The following PRR16 variants were observed in gnomAD, a reference collection of about 807,000 sequenced individuals.
The protein encoded by PRR16 is proline rich 16.
PRR16 carries 6 observed loss-of-function variants against 18.2 expected under a neutral mutation model. The ratio of observed to expected loss-of-function variants is 0.33; its 90% CI spans 0.18 to 0.65. The LOEUF is 0.65. Among genes scored for constraint, PRR16 ranks in the 30% least tolerant of loss-of-function variants. The pLI is 0.74. For synonymous variants in PRR16, 151 were observed against 147.8 expected (o/e 1.02, Z -0.16); for missense variants, 412 against 376.6 (o/e 1.09, Z -0.78).
chr5:120,633,386 A>G (rs1755123048), intron 1 of PRR16, among the ~76,000 whole-genome samples: 1 of 152,212 alleles, frequency 6.6e-6, no homozygotes, highest in African/African-American at 2.4e-5. Context: ...CTAAAGTTGA[A>G]TGTAAATGGC....
At chr5:120,618,578 G>T in intron 1 of PRR16, 1 of 925,124 alleles carries the variant, frequency 1.1e-6, no homozygotes, top group South Asian at 5.0e-5. Context: ...AAGTAAAAAA[G>T]AAGTTATAGC....
At chr5:120,598,464 C>T (rs888080539) in intron 1 of PRR16, among the ~76,000 whole-genome samples, 3 of 151,480 alleles carry the variant, frequency 2.0e-5, no homozygotes, top group Non-Finnish European at 4.4e-5. Flanking sequence ...GGGTAATATG[C>T]ACATTTGCTG....
the PRR16 span, among the ~76,000 whole-genome samples, chr5:120,703,457 T>A: frequency 1.4e-3 from 206 of 152,346 alleles, no homozygotes; most frequent in East Asian, 6.2e-3. Flanking sequence ...AGCCTCATGT[T>A]GTTTCATTTC....
intron 1 of PRR16, among the ~76,000 whole-genome samples, chr5:120,485,808 C>A (rs1190158489): frequency 2.6e-5 from 4 of 152,118 alleles, no homozygotes; most frequent in East Asian, 3.9e-4. Context: ...CCTCCCCCGA[C>A]CCCACAACAG....
chr5:120,607,105 A>T lies in PRR16; in HGVS notation c.160-78849A>T, dbSNP rs1754179478. Among the ~76,000 whole-genome samples the T allele has an allele frequency of 2.0e-5, 3 of 152,156 alleles. No homozygotes were observed. The South Asian group carries it at 6.2e-4, about 31-fold the overall frequency. On this transcript the variant is annotated intron_variant, in intron 1 of 1. Coordinates refer to ENST00000407149, the MANE Select transcript of PRR16 (RefSeq NM_001300783.2). ...AAGTATCAGTGAATTTTTTTTTGTA[A>T]TCGCCTCATTGAAACCTATAAATAG...
chr5:120,537,782 T>A (rs1438022354), intron 1 of PRR16, among the ~76,000 whole-genome samples: 3 of 144,344 alleles, frequency 2.1e-5, no homozygotes, highest in East Asian at 4.0e-4. Flanking sequence ...TTTTTTTTTT[T>A]TTTTTTTTTT....
intron 1 of PRR16, among the ~76,000 whole-genome samples, chr5:120,519,049 C>T (rs948140471): frequency 6.6e-6 from 1 of 151,972 alleles, no homozygotes; most frequent in African/African-American, 2.4e-5. Flanking sequence ...TACGATTGAA[C>T]CTTCCCCCAT....
chr5:120,699,246 A>G, the PRR16 span, among the ~76,000 whole-genome samples: 2 of 152,156 alleles, frequency 1.3e-5, no homozygotes, highest in Non-Finnish European at 2.9e-5. Context: ...TGGAAAGGAA[A>G]TGAGAGGTTC....
chr5:120,670,728 C>G (rs1173085994), intron 1 of PRR16, among the ~76,000 whole-genome samples: 1 of 152,076 alleles, frequency 6.6e-6, no homozygotes, highest in African/African-American at 2.4e-5. Context: ...ATGCTAAGCA[C>G]ACTCCCTTCA....
At chr5:120,637,481 A>G (rs1755275686) in intron 1 of PRR16, among the ~76,000 whole-genome samples, 1 of 152,128 alleles carries the variant, frequency 6.6e-6, no homozygotes, top group Non-Finnish European at 1.5e-5. Context: ...CATAAAAAGG[A>G]ATGAAATAAT....
chr5:120,670,448 A>T (rs1287903246), intron 1 of PRR16, among the ~76,000 whole-genome samples: 1 of 152,112 alleles, frequency 6.6e-6, no homozygotes, highest in East Asian at 1.9e-4. Context: ...ATTGTTTTCA[A>T]ATTTTATGTA....
the PRR16 span, among the ~76,000 whole-genome samples, chr5:120,745,488 T>C: frequency 6.6e-6 from 1 of 152,092 alleles, no homozygotes; most frequent in Admixed American, 6.6e-5. Context: ...TTTATCTCCC[T>C]CTGCTTCTGA....
intron 1 of PRR16, among the ~76,000 whole-genome samples, chr5:120,475,302 A>G (rs1749404077): frequency 2.0e-5 from 3 of 152,172 alleles, no homozygotes; most frequent in Admixed American, 2.0e-4. Flanking sequence ...TCAGTCTTCT[A>G]ACTTCAACAT....
chr5:120,688,374 T>G (rs2150158256), downstream of PRR16, among the ~76,000 whole-genome samples: 1 of 152,238 alleles, frequency 6.6e-6, no homozygotes, highest in South Asian at 2.1e-4. Context: ...CGACTTACAA[T>G]AATCAGAAAG....
At chr5:120,699,525 G>C in the PRR16 span, among the ~76,000 whole-genome samples, 2,684 of 152,254 alleles carry the variant, frequency 0.018, 78 homozygotes, top group African/African-American at 0.059. Flanking sequence ...GAAAAAGTGA[G>C]TATAGCTGAA....
intron 1 of PRR16, among the ~76,000 whole-genome samples, chr5:120,641,964 T>TA (rs917186184): frequency 2.0e-5 from 3 of 152,082 alleles, no homozygotes; most frequent in African/African-American, 7.2e-5. Flanking sequence ...AGGTATGACT[T>TA]ACATTGTCCA....
intron 1 of PRR16, among the ~76,000 whole-genome samples, chr5:120,476,320 C>T (rs1749441125): frequency 6.6e-6 from 1 of 152,084 alleles, no homozygotes; most frequent in African/African-American, 2.4e-5. Context: ...ACACAGAGAC[C>T]ATCCCAGGCA....
intron 1 of PRR16, among the ~76,000 whole-genome samples, chr5:120,672,017 C>T (rs1242113806): frequency 6.6e-6 from 1 of 152,174 alleles, no homozygotes; most frequent in Non-Finnish European, 1.5e-5. Flanking sequence ...TTATTCTAGA[C>T]ATAAATGCCC....
At chr5:120,516,286 G>A (rs1750988120) in intron 1 of PRR16, among the ~76,000 whole-genome samples, 1 of 152,042 alleles carries the variant, frequency 6.6e-6, no homozygotes, top group Non-Finnish European at 1.5e-5. Context: ...TTAGCTGGGT[G>A]TGGTGGCGGG....
Sources: allele counts gnomAD v4.1 joint callset (sites outside exome capture counted in the v4.1 genomes callset), GRCh38; gene constraint gnomAD v4.1.1; transcripts MANE v1.5; gene names NCBI Gene and HGNC (gene_info 2026-07-23, HGNC 2026-07-21).